The following NR3C2 variants were observed in gnomAD, a reference collection of about 807,000 sequenced individuals.
The protein encoded by NR3C2 is mineralocorticoid receptor.
In NR3C2, 15 loss-of-function variants were observed where a neutral mutation model predicts 86.4. That is an observed-to-expected ratio of 0.17 (90% CI 0.12 to 0.27). The LOEUF (loss-of-function observed/expected upper bound fraction) is 0.27, where lower values mean the gene tolerates loss of function less well. Among genes scored for constraint, NR3C2 ranks in the 10% least tolerant of loss-of-function variants. The probability of loss-of-function intolerance (pLI) is 1.00; values close to 1 mark genes in which losing one functional copy is unlikely to be tolerated. For synonymous variants in NR3C2, 458 were observed against 450.5 expected (o/e 1.02, Z -0.21); for missense variants, 960 against 1,195.6 (o/e 0.80, Z 2.91).
chr4:148,164,647 T>C (rs1162265608), intron 4 of NR3C2, among the ~76,000 whole-genome samples: 1 of 152,204 alleles, frequency 6.6e-6, no homozygotes, highest in South Asian at 2.1e-4. Context: ...GTTAATTCTT[T>C]AACAGCTTCA....
intron 6 of NR3C2, among the ~76,000 whole-genome samples, chr4:148,134,622 T>C (rs1201663213): frequency 1.4e-5 from 2 of 146,792 alleles, no homozygotes; most frequent in East Asian, 2.1e-4. Context: ...TAGCTCCCTG[T>C]GATTCTCTCT....
intron 2 of NR3C2, among the ~76,000 whole-genome samples, chr4:148,278,030 T>G (rs1018622333): frequency 2.0e-5 from 3 of 152,232 alleles, no homozygotes; most frequent in African/African-American, 7.2e-5. Context: ...TTAATAACAT[T>G]ATTTCATAAA....
At chr4:148,368,555 T>C (rs1470057493) in intron 2 of NR3C2, 2 of 152,184 alleles carry the variant, frequency 1.3e-5, no homozygotes, top group Admixed American at 6.6e-5. Context: ...TACTTTCATA[T>C]ATACAATCTT....
chr4:148,305,387 C>G (rs1345195704), intron 2 of NR3C2, among the ~76,000 whole-genome samples: 2 of 151,994 alleles, frequency 1.3e-5, no homozygotes, highest in Non-Finnish European at 2.9e-5. Flanking sequence ...CCACTTTTCC[C>G]AAGAGACGTA....
chr4:148,296,044 CAAAAAAAA>C (rs529710200), intron 2 of NR3C2, among the ~76,000 whole-genome samples: 129 of 73,944 alleles, frequency 1.7e-3, no homozygotes, highest in Middle Eastern at 0.012. Flanking sequence ...GAGCTGAGGC[CAAAAAAAA>C]AAAAAAAAAA....
At chr4:148,183,614 G>A (rs189077053) in intron 4 of NR3C2, among the ~76,000 whole-genome samples, 1 of 152,306 alleles carries the variant, frequency 6.6e-6, no homozygotes, top group East Asian at 1.9e-4. Context: ...TAACTCGCTT[G>A]TAAAATGGAC....
chr4:148,402,240 A>G (rs941492906), intron 2 of NR3C2, among the ~76,000 whole-genome samples: 1 of 152,232 alleles, frequency 6.6e-6, no homozygotes, highest in Non-Finnish European at 1.5e-5. Flanking sequence ...AAACTGCCAG[A>G]TCAAATTATG....
intron 2 of NR3C2, among the ~76,000 whole-genome samples, chr4:148,373,596 TTCCAAG>T (rs1036046166): frequency 2.0e-5 from 3 of 151,494 alleles, no homozygotes; most frequent in African/African-American, 7.3e-5. Flanking sequence ...AGCCTCAGCC[TTCCAAG>T]TTGCTGGAGC....
chr4:148,110,047 A>G (rs1208135641), intron 8 of NR3C2, among the ~76,000 whole-genome samples: 1 of 152,238 alleles, frequency 6.6e-6, no homozygotes, highest in African/African-American at 2.4e-5. Context: ...TAGTAGAGTA[A>G]GGATTCTATA....
At chr4:148,259,465 T>A (rs557236817) in intron 3 of NR3C2, among the ~76,000 whole-genome samples, 2 of 152,268 alleles carry the variant, frequency 1.3e-5, no homozygotes, top group African/African-American at 2.4e-5. Flanking sequence ...ATTTGGAAAC[T>A]TTCAGGAGGA....
rs914012626 is a variant in NR3C2 at position 148,080,863 on chromosome 4, A to G, written c.*481T>C. On this transcript the variant is annotated 3_prime_UTR_variant, in exon 9 of 9. Coordinates refer to ENST00000358102, the MANE Select transcript of NR3C2 (RefSeq NM_000901.5). ...GTTATTACACAACAGGAATCTGTAT[A>G]TATTTTTTTATTATTTTTTTGTGTT... The G allele has an allele frequency of 2.2e-5, 7 of 324,864 alleles. No individual in the cohort carries two copies. The highest frequency in any genetic ancestry group is 1.5e-4 in the African/African-American group (6 of 41,140). The allele number at this position is 324,864 out of a possible 1,614,324, so 20.1% of individuals were successfully genotyped here.
At chr4:148,369,349 T>G (rs890181479) in intron 2 of NR3C2, among the ~76,000 whole-genome samples, 1 of 152,156 alleles carries the variant, frequency 6.6e-6, no homozygotes, top group Non-Finnish European at 1.5e-5. Context: ...ACAATACCAT[T>G]TCATATTAGC....
chr4:148,393,680 A>G (rs1747707799), intron 2 of NR3C2, among the ~76,000 whole-genome samples: 1 of 152,226 alleles, frequency 6.6e-6, no homozygotes, highest in Admixed American at 6.5e-5. Flanking sequence ...ATCAGGACTC[A>G]GCTTAAGGTA....
chr4:148,334,871 C>G (rs912340503), intron 2 of NR3C2, among the ~76,000 whole-genome samples: 2 of 152,102 alleles, frequency 1.3e-5, no homozygotes, highest in African/African-American at 4.8e-5. Flanking sequence ...GGAGAATCTG[C>G]CCCCTGCTTC....
chr4:148,336,264 A>T (rs1315743196), intron 2 of NR3C2, among the ~76,000 whole-genome samples: 1 of 152,100 alleles, frequency 6.6e-6, no homozygotes. Flanking sequence ...GGGAAGACCT[A>T]AGGCAGTGGC....
chr4:148,201,272 G>C (rs1342783289), intron 3 of NR3C2: 1 of 152,266 alleles, frequency 6.6e-6, no homozygotes, highest in African/African-American at 2.4e-5. Flanking sequence ...AGTTGAGCCA[G>C]TGTGGCACAG....
Position 148,257,953 on chromosome 4 carries a change from C to T in NR3C2, c.1897+2025G>A, listed in dbSNP as rs563595696. Among the ~76,000 whole-genome samples, 14 of 152,252 alleles carry T rather than the reference C, an allele frequency of 9.2e-5. No homozygotes were observed. In the East Asian group the frequency reaches 2.1e-3, roughly 23 times the overall value. On this transcript the variant is annotated intron_variant, in intron 3 of 8. Transcript: ENST00000358102. ...TTTCCAATGAAGGAAAAAGTTGCAC[C>T]TGCATTTAGGTTTTTGTATGTTTAT...
At chr4:148,277,983 A>G (rs1741040019) in intron 2 of NR3C2, among the ~76,000 whole-genome samples, 1 of 152,254 alleles carries the variant, frequency 6.6e-6, no homozygotes, top group South Asian at 2.1e-4. Context: ...CAAAAGGAGA[A>G]TACATTCCTA....
chr4:148,212,942 T>C (rs1737352067), intron 3 of NR3C2, among the ~76,000 whole-genome samples: 1 of 152,194 alleles, frequency 6.6e-6, no homozygotes, highest in Non-Finnish European at 1.5e-5. Flanking sequence ...TTACCTATGA[T>C]AAAATGTGTT....
Sources: allele counts gnomAD v4.1 joint callset (sites outside exome capture counted in the v4.1 genomes callset), GRCh38; gene constraint gnomAD v4.1.1; transcripts MANE v1.5; gene names NCBI Gene and HGNC (gene_info 2026-07-23, HGNC 2026-07-21).